ZFYVE9: variants seen among roughly 807,000 people sequenced by gnomAD.
ZFYVE9 encodes zinc finger FYVE domain-containing protein 9.
ZFYVE9 carries 43 observed loss-of-function variants against 126.7 expected under a neutral mutation model. The ratio of observed to expected loss-of-function variants is 0.34; its 90% CI spans 0.27 to 0.44. The LOEUF is 0.44. Ranked by LOEUF, ZFYVE9 falls within the 20% of genes least tolerant of loss-of-function variation. The pLI, the probability that ZFYVE9 is intolerant of heterozygous loss-of-function variation, is 1.00. For synonymous variants in ZFYVE9, 521 were observed against 597.4 expected (o/e 0.87, Z 1.87); for missense variants, 1,476 against 1,697.0 (o/e 0.87, Z 2.29).
intron 1 of ZFYVE9, chr1:52,190,371 G>A (rs1490644821): frequency 6.6e-6 from 1 of 152,146 alleles, no homozygotes; most frequent in African/African-American, 2.4e-5. Flanking sequence ...TCTCACTTCA[G>A]TTCTGTCAGT....
At chr1:52,292,417 C>T (rs535771591) in intron 10 of ZFYVE9, among the ~76,000 whole-genome samples, 1 of 150,954 alleles carries the variant, frequency 6.6e-6, no homozygotes, top group East Asian at 1.9e-4. Flanking sequence ...TGACTTTGTT[C>T]ACCCAGTGAA....
chr1:52,293,493 A>C lies in ZFYVE9; in HGVS notation c.3066A>C (p.Gln1022His). 6.2e-7 allele frequency: 1 copy of C among 1,614,062 alleles called. No homozygotes were observed. The highest frequency in any genetic ancestry group is 8.5e-7 in the Non-Finnish European group (1 of 1,180,000). Residue 1022 changes from glutamine to histidine, a missense_variant, in exon 11 of 19, where the codon CAA (glutamine) becomes CAC (histidine). By Grantham distance (24) the Gln-to-His change is conservative (BLOSUM62 0). Coordinates refer to ENST00000287727, the MANE Select transcript of ZFYVE9 (RefSeq NM_004799.4). ...ACTTGGGACATTCCTTCTTCAGTCA[A>C]AGTTTCCTTGGCAGTAAAGAACATG... is the stretch of plus-strand genomic sequence containing the variant. ...VSNLGHSFFS[Q>H]SFLGSKEHGG...
intron 1 of ZFYVE9, among the ~76,000 whole-genome samples, chr1:52,169,518 T>A (rs72893919): frequency 0.036 from 5,424 of 152,294 alleles, 237 homozygotes; most frequent in African/African-American, 0.11. Flanking sequence ...TTCATTTCCA[T>A]CCATTAGAAT....
Position 52,177,591 on chromosome 1 carries a change from G to A in ZFYVE9, c.-143+35188G>A, listed in dbSNP as rs187356747. On this transcript the variant is annotated intron_variant, in intron 1 of 18. Coordinates refer to ENST00000287727, the MANE Select transcript of ZFYVE9 (RefSeq NM_004799.4). ...CATCAAGGAATTAAAGGACTAGTTG[G>A]GAAGGCAAATATGTAAATGAGTAAA... 8.3e-4 allele frequency among the ~76,000 whole-genome samples: 126 copies of A among 152,118 alleles called. 1 individual carries two copies. Among genetic ancestry groups the A allele is most frequent in the African/African-American group, 2.8e-3 (117 of 41,392 alleles).
At chr1:52,338,284 A>G (rs1209388754) in intron 16 of ZFYVE9, among the ~76,000 whole-genome samples, 1 of 152,230 alleles carries the variant, frequency 6.6e-6, no homozygotes, top group Non-Finnish European at 1.5e-5. Flanking sequence ...TTTCCATTCT[A>G]TAAATGAGTA....
intron 3 of ZFYVE9, among the ~76,000 whole-genome samples, chr1:52,236,353 A>G (rs1337874150): frequency 1.3e-5 from 2 of 152,198 alleles, no homozygotes; most frequent in Non-Finnish European, 2.9e-5. Context: ...TAGATAAACT[A>G]TTGCATTTCA....
At chr1:52,314,325 C>A (rs1646163080) in intron 13 of ZFYVE9, among the ~76,000 whole-genome samples, 1 of 152,182 alleles carries the variant, frequency 6.6e-6, no homozygotes, top group African/African-American at 2.4e-5. Flanking sequence ...GCAGCAAAAT[C>A]TTTAAAATGC....
At position 52,220,082 on chromosome 1, in the gene ZFYVE9, A is replaced by C. The variant is rs1645109971; in HGVS notation, c.-37+3608A>C. The stretch of plus-strand genomic sequence containing the variant: ...TGAGCCACCACACCCTGCCAGGCCA[A>C]GATCTTTTTGAGGGGCAGTTTGGAT... On this transcript the variant is annotated intron_variant, in intron 2 of 18. Transcript: ENST00000287727. Among the ~76,000 whole-genome samples, 3 of 152,226 alleles carry C rather than the reference A, an allele frequency of 2.0e-5. No individual in the cohort carries two copies. In the South Asian group the frequency reaches 6.2e-4, roughly 32 times the overall value.
chr1:52,212,206 A>C (rs1645034752), intron 1 of ZFYVE9, among the ~76,000 whole-genome samples: 1 of 152,126 alleles, frequency 6.6e-6, no homozygotes, highest in African/African-American at 2.4e-5. Context: ...GTGCAGTGTC[A>C]TGATCACAGC....
At chr1:52,313,074 A>C (rs1003226254) in intron 13 of ZFYVE9, among the ~76,000 whole-genome samples, 1 of 152,212 alleles carries the variant, frequency 6.6e-6, no homozygotes, top group Non-Finnish European at 1.5e-5. Context: ...CCAAGGATAG[A>C]GGCCTGGAAA....
At chr1:52,158,160 C>T (rs1644420391) in intron 1 of ZFYVE9, among the ~76,000 whole-genome samples, 1 of 152,234 alleles carries the variant, frequency 6.6e-6, no homozygotes. Flanking sequence ...CAGCCCCTTT[C>T]TCAACCAGTA....
At chr1:52,255,920 TTTCTTTTCTTTTC>T (rs1395269916) in intron 4 of ZFYVE9, among the ~76,000 whole-genome samples, 2 of 105,144 alleles carry the variant, frequency 1.9e-5, no homozygotes, top group South Asian at 2.8e-4. Flanking sequence ...TTTCTTTTCT[TTTCTTTTCTTTTC>T]TTTTCTTTTC....
At chr1:52,328,937 T>A (rs961484794) in intron 13 of ZFYVE9, among the ~76,000 whole-genome samples, 3 of 152,074 alleles carry the variant, frequency 2.0e-5, no homozygotes, top group Non-Finnish European at 2.9e-5. Context: ...TATAATAAAG[T>A]AAAGCCAAGA....
At chr1:52,193,953 T>G (rs1644838720) in intron 1 of ZFYVE9, among the ~76,000 whole-genome samples, 1 of 152,044 alleles carries the variant, frequency 6.6e-6, no homozygotes. Context: ...TATGGTTATA[T>G]TTTAGAATTC....
chr1:52,277,125 A>G (rs562417525), intron 8 of ZFYVE9, among the ~76,000 whole-genome samples: 1 of 152,222 alleles, frequency 6.6e-6, no homozygotes, highest in Non-Finnish European at 1.5e-5. Flanking sequence ...TTATTTTAAT[A>G]AATCTTAGAT....
At chr1:52,251,955 G>A (rs1183898216) in intron 4 of ZFYVE9, 1 of 151,528 alleles carries the variant, frequency 6.6e-6, no homozygotes, top group Non-Finnish European at 1.5e-5. Flanking sequence ...TTTAATCTAG[G>A]TAAGTCACAT....
intron 16 of ZFYVE9, among the ~76,000 whole-genome samples, chr1:52,338,989 A>C (rs1166073054): frequency 6.6e-6 from 1 of 152,254 alleles, no homozygotes; most frequent in Non-Finnish European, 1.5e-5. Context: ...CGGCCTGGAC[A>C]ACAAGAGCGA....
Position 52,201,362 on chromosome 1 carries a change from G to T in ZFYVE9, c.-142-15007G>T, listed in dbSNP as rs1348475334. Among the ~76,000 whole-genome samples, 7 of 145,642 alleles carry T rather than the reference G, an allele frequency of 4.8e-5. No homozygotes were observed. In the South Asian group the frequency reaches 1.5e-3, roughly 32 times the overall value. On this transcript the variant is annotated intron_variant, in intron 1 of 18. Transcript: ENST00000287727. The stretch of plus-strand genomic sequence containing the variant: ...CCTGCTATAGTCACTTATTCCTGGA[G>T]GGTTTTTGGTAATTTTTTTTTTTTT...
intron 1 of ZFYVE9, chr1:52,162,332 C>T (rs756936152): frequency 5.6e-5 from 22 of 392,804 alleles, no homozygotes; most frequent in East Asian, 2.6e-4. Context: ...AGAATCTCGA[C>T]GTCTGTGACC....
Sources: allele counts gnomAD v4.1 joint callset (sites outside exome capture counted in the v4.1 genomes callset), GRCh38; gene constraint gnomAD v4.1.1; transcripts MANE v1.5; gene names NCBI Gene and HGNC (gene_info 2026-07-23, HGNC 2026-07-21).